PPIP5K2: variants seen among roughly 807,000 people sequenced by gnomAD.
PPIP5K2 encodes the protein inositol hexakisphosphate and diphosphoinositol-pentakisphosphate kinase 2.
In PPIP5K2, 105 loss-of-function variants were observed where a neutral mutation model predicts 154.6. The ratio of observed to expected loss-of-function variants is 0.68; its 90% CI spans 0.58 to 0.80. PPIP5K2 has a LOEUF of 0.80. PPIP5K2 is among the 30% of genes least tolerant of loss of function. PPIP5K2 has a pLI of 0.00. For synonymous variants in PPIP5K2, 480 were observed against 490.3 expected (o/e 0.98, Z 0.28); for missense variants, 992 against 1,504.6 (o/e 0.66, Z 5.64).
chr5:103,138,610 CATATT>C, intron 5 of PPIP5K2, 141 bp downstream of exon 5: 1 of 487,496 alleles, frequency 2.1e-6, no homozygotes, highest in Non-Finnish European at 3.6e-6. Flanking sequence ...AACAGACAAA[CATATT>C]CAATTAAAAG....
In PPIP5K2 at chr5:103,194,967, A is replaced by G. The variant is rs58843926; in HGVS notation, c.3561A>G (p.Ala1187=). The change falls in exon 30 of 31, where the codon GCA becomes GCG. Residue 1187 remains alanine, a synonymous_variant. Coordinates refer to ENST00000358359, the MANE Select transcript of PPIP5K2 (RefSeq NM_001276277.3). The stretch of plus-strand genomic sequence containing the variant: ...TATCTTTAAATACGTATACACCTGC[A>G]AAGATCCTCCCAACACCACCAGCTA... ...KKVSLNTYTP[A]KILPTPPATL... 2.2e-3 allele frequency: 3,525 copies of G among 1,613,824 alleles called. 76 individuals carry two copies. The African/African-American group carries it at 0.042, about 19-fold the overall frequency.
At chr5:103,130,792 A>G (rs1790487629) in intron 2 of PPIP5K2, among the ~76,000 whole-genome samples, 1 of 152,116 alleles carries the variant, frequency 6.6e-6, no homozygotes, top group African/African-American at 2.4e-5. Flanking sequence ...AGCCTCTACT[A>G]CCTTTGTCCC....
chr5:103,164,337 A>G (rs910281765), intron 17 of PPIP5K2, among the ~76,000 whole-genome samples: 6 of 151,934 alleles, frequency 3.9e-5, no homozygotes, highest in Non-Finnish European at 8.8e-5. Flanking sequence ...TCTGAATTAT[A>G]TGCTTATTTT....
chr5:103,150,283 T>C (rs1554210836), intron 8 of PPIP5K2, among the ~76,000 whole-genome samples: 1 of 152,184 alleles, frequency 6.6e-6, no homozygotes, highest in Non-Finnish European at 1.5e-5. Flanking sequence ...TAGAAATCCT[T>C]TTATTATGCC....
chr5:103,168,020 T>A, intron 18 of PPIP5K2, 52 bp from the exon 19 acceptor site: 1 of 1,151,864 alleles, frequency 8.7e-7, no homozygotes, highest in Admixed American at 2.2e-5. Flanking sequence ...TTAATATATA[T>A]TCTAAATCAG....
chr5:103,125,693 G>A (rs1554200501), intron 1 of PPIP5K2, among the ~76,000 whole-genome samples: 1 of 152,112 alleles, frequency 6.6e-6, no homozygotes, highest in African/African-American at 2.4e-5. Flanking sequence ...GAGTGCAGTG[G>A]TGCAATCCCG....
intron 29 of PPIP5K2, chr5:103,194,672 T>C (rs1801781843): frequency 2.8e-6 from 1 of 357,572 alleles, no homozygotes; most frequent in African/African-American, 2.1e-5. Context: ...TGGTGCATAC[T>C]ATTTAAATGC....
At chr5:103,169,662 G>A (rs782199727) in intron 19 of PPIP5K2, among the ~76,000 whole-genome samples, 4 of 151,692 alleles carry the variant, frequency 2.6e-5, no homozygotes, top group Non-Finnish European at 3.0e-5. Flanking sequence ...ATTTTTAGAA[G>A]AGTATGAAAA....
In PPIP5K2 at chr5:103,129,397, G is replaced by C. The variant is rs1790248741; in HGVS notation, c.-193G>C. 1 of 373,836 alleles carries C rather than the reference G, an allele frequency of 2.7e-6. No individual in the cohort carries two copies. The highest frequency in any genetic ancestry group is 4.2e-5 in the East Asian group (1 of 23,782). 23.2% of individuals were successfully genotyped at this position (373,836 alleles called of 1,614,324 possible). A position where few individuals can be genotyped will look rare whatever the true frequency, so the allele number is the denominator to read the frequency against. On this transcript the variant is annotated 5_prime_UTR_variant, in exon 2 of 31. Transcript: ENST00000358359. The stretch of plus-strand genomic sequence containing the variant: ...CAACAACTTTGATATCAACAATGAA[G>C]CAATGATATCTAAGAACAAAAGAGT...
In PPIP5K2 at chr5:103,149,063, AT is replaced by A. The variant is rs1457251670; in HGVS notation, c.745-83del. 78 of 1,056,222 alleles carry A rather than the reference AT, an allele frequency of 7.4e-5. No homozygotes were observed. In the African/African-American group the frequency reaches 1.2e-3, roughly 17 times the overall value. The allele number at this position is 1,056,222 out of a possible 1,614,324, so 65.4% of individuals were successfully genotyped here. On this transcript the variant is annotated intron_variant, in intron 7 of 30. Coordinates refer to ENST00000358359, the MANE Select transcript of PPIP5K2 (RefSeq NM_001276277.3). Reference sequence around the variant, plus strand: ...CTGGATTCTGAACTATTTTTTAGTAATTTTTTCATTGTATTTGTTGTCTGTT... The same window carrying A: ...CTGGATTCTGAACTATTTTTTAGTAATTTTTCATTGTATTTGTTGTCTGTT...
intron 16 of PPIP5K2, among the ~76,000 whole-genome samples, 154 bp from the exon 17 acceptor site, chr5:103,158,992 A>G (rs1400410796): frequency 3.3e-5 from 5 of 152,226 alleles, no homozygotes; most frequent in Non-Finnish European, 5.9e-5. Context: ...GGAACTTTCA[A>G]GTAAAACTCT....
intron 17 of PPIP5K2, among the ~76,000 whole-genome samples, chr5:103,161,116 A>AC (rs1264998205): frequency 6.2e-5 from 3 of 48,016 alleles, no homozygotes; most frequent in Middle Eastern, 9.4e-3. Context: ...CCCAACCCCC[A>AC]CCCCCACAAC....
chr5:103,168,674 T>C (rs367950512), intron 19 of PPIP5K2, among the ~76,000 whole-genome samples: 3 of 151,878 alleles, frequency 2.0e-5, no homozygotes, highest in East Asian at 1.9e-4. Flanking sequence ...TGAACCTACA[T>C]TGACACATCA....
rs1352624059 is a variant in PPIP5K2, at chr5:103,210,340, T to C, written c.*8706T>C. On this transcript the variant is annotated 3_prime_UTR_variant, in exon 31 of 31. Coordinates refer to ENST00000358359, the MANE Select transcript of PPIP5K2 (RefSeq NM_001276277.3). The stretch of plus-strand genomic sequence containing the variant: ...GCAAGAGGATAGATCATTGAATAGA[T>C]GCTTTAATTCCATTTTTGACAATGA... The C allele has an allele frequency of 6.6e-6, 1 of 152,172 alleles. No individual in the cohort carries two copies. Among genetic ancestry groups the C allele is most frequent in the Non-Finnish European group, 1.5e-5 (1 of 68,014 alleles). 9.4% of individuals were successfully genotyped at this position (152,172 alleles called of 1,614,324 possible).
intron 19 of PPIP5K2, 29 bp downstream of exon 19, chr5:103,168,324 A>G (rs2149676975): frequency 1.3e-6 from 2 of 1,497,676 alleles, no homozygotes; most frequent in South Asian, 2.4e-5. Flanking sequence ...TCAATTTCTT[A>G]TAATATTGAA....
In PPIP5K2 at chr5:103,158,436, G is replaced by C. The variant is rs1554214428; in HGVS notation, c.1616-16G>C. 1.9e-6 allele frequency: 3 copies of C among 1,599,354 alleles called. No individual in the cohort carries two copies. The African/African-American group carries it at 4.1e-5, about 22-fold the overall frequency. ...AATGAAAATATAGCTGAAGTGATTT[G>C]AGGATTTATTTTCAGGAGATTATGC... On this transcript the variant is annotated splice_polypyrimidine_tract_variant and intron_variant, in intron 15 of 30. Coordinates refer to ENST00000358359, the MANE Select transcript of PPIP5K2 (RefSeq NM_001276277.3).
chr5:103,174,298 C>T (rs1798387746), intron 21 of PPIP5K2: 1 of 222,062 alleles, frequency 4.5e-6, no homozygotes, highest in East Asian at 1.2e-4. Flanking sequence ...AGACATTGTA[C>T]CACTGATCTA....
chr5:103,165,489 T>C (rs1796985211), intron 17 of PPIP5K2, among the ~76,000 whole-genome samples: 1 of 152,080 alleles, frequency 6.6e-6, no homozygotes, highest in Admixed American at 6.6e-5. Flanking sequence ...TATCTTGTTA[T>C]GACATGTCTG....
chr5:103,210,913 A>G lies in PPIP5K2; in HGVS notation c.*9279A>G, dbSNP rs1336988429. 1 of 152,158 alleles carries G rather than the reference A, an allele frequency of 6.6e-6. No homozygotes were observed. Among genetic ancestry groups the G allele is most frequent in the African/African-American group, 2.4e-5 (1 of 41,460 alleles). The allele number at this position is 152,158 out of a possible 1,614,324, so 9.4% of individuals were successfully genotyped here. A position where few individuals can be genotyped will look rare whatever the true frequency, so the allele number is the denominator to read the frequency against. Reference sequence around the variant, plus strand: ...TGTGTTAGCCTAAATAAAATGAAATACAGTTATGGAAATATTTCTGCTGCA... The same window carrying G: ...TGTGTTAGCCTAAATAAAATGAAATGCAGTTATGGAAATATTTCTGCTGCA... On this transcript the variant is annotated 3_prime_UTR_variant, in exon 31 of 31. Transcript: ENST00000358359.
Sources: allele counts gnomAD v4.1 joint callset (sites outside exome capture counted in the v4.1 genomes callset), GRCh38; gene constraint gnomAD v4.1.1; transcripts MANE v1.5; gene names NCBI Gene and HGNC (gene_info 2026-07-23, HGNC 2026-07-21).